The following IFT140 variants were observed in gnomAD, a reference collection of about 807,000 sequenced individuals.
IFT140 encodes the protein intraflagellar transport protein 140 homolog.
In IFT140, 133 loss-of-function variants were observed where a neutral mutation model predicts 164.6. The ratio of observed to expected loss-of-function variants is 0.81; its 90% confidence interval spans 0.70 to 0.93. IFT140 has a LOEUF of 0.93. IFT140 is among the 40% of genes least tolerant of loss of function. The pLI, the probability that IFT140 is intolerant of heterozygous loss-of-function variation, is 0.00. For synonymous variants in IFT140, 860 were observed against 817.3 expected (o/e 1.05, Z -0.89); for missense variants, 2,045 against 1,972.3 (o/e 1.04, Z -0.70).
rs535655598 is a variant in IFT140, at chr16:1,533,272, C to G, written c.2400-6476G>C. 1.3e-5 allele frequency: 2 copies of G among 152,058 alleles called. No homozygotes were observed. The highest frequency in any genetic ancestry group is 3.9e-4 in the East Asian group (2 of 5,176). The allele number at this position is 152,058 out of a possible 1,614,324, so 9.4% of individuals were successfully genotyped here. ...GAGGGCAGCATTCCCGTGGCGGGGG[C>G]AGGCCTGGAACACACGGGCGGGGGG... On this transcript the variant is annotated intron_variant, in intron 19 of 30. Coordinates refer to ENST00000426508, the MANE Select transcript of IFT140 (RefSeq NM_014714.4). This position sits in a 1 kb window ranked among gnomAD's most constrained non-coding sequence, Gnocchi z 4.7.
Position 1,572,768 on chromosome 16 carries a change from C to T in IFT140, c.1525-1234G>A, listed in dbSNP as rs117209441. ...AACCTTAATCCTCTGAGTTTCAAAG[C>T]GAAGCTCTTGGCTCAATTCAACCAA... On this transcript the variant is annotated intron_variant, in intron 13 of 30. Transcript: ENST00000426508. 4.1e-4 allele frequency among the ~76,000 whole-genome samples: 63 copies of T among 152,350 alleles called. 1 individual carries two copies. In the East Asian group the frequency reaches 6.7e-3, roughly 16 times the overall value.
At chr16:1,562,870 T>C (rs1297248083) in intron 17 of IFT140, among the ~76,000 whole-genome samples, 1 of 152,104 alleles carries the variant, frequency 6.6e-6, no homozygotes, top group Non-Finnish European at 1.5e-5. Flanking sequence ...AGAAACCACA[T>C]GCTCTGTGGG....
chr16:1,557,721 G>A lies in IFT140; in HGVS notation c.2399+214C>T, dbSNP rs948766578. ...CCACTAGGAAGCAGCTAAACAGCCC[G>A]AGAGGCTCCCAGCACCAGAGAGGCT... is the stretch of plus-strand genomic sequence containing the variant. On this transcript the variant is annotated intron_variant, in intron 19 of 30. Coordinates refer to ENST00000426508, the MANE Select transcript of IFT140 (RefSeq NM_014714.4). The A allele has an allele frequency of 8.6e-6, 5 of 578,894 alleles. No individual in the cohort carries two copies. The East Asian group carries it at 8.7e-5, about 10-fold the overall frequency. 35.9% of individuals were successfully genotyped at this position (578,894 alleles called of 1,614,324 possible).
At chr16:1,534,397 G>T (rs746977090) in intron 19 of IFT140, 4 of 1,612,576 alleles carry the variant, frequency 2.5e-6, no homozygotes, top group East Asian at 2.2e-5. Context: ...GGGCGCAGGC[G>T]CAGCGTGGGG....
Position 1,586,181 on chromosome 16 carries a change from C to G in IFT140, c.1104G>C (p.Arg368Ser). 1 of 1,614,090 alleles carries G rather than the reference C, an allele frequency of 6.2e-7. No individual in the cohort carries two copies. The change falls in exon 10 of 31, where the codon AGG (arginine) becomes AGC (serine). Residue 368 changes from arginine (R) to serine (S), a missense_variant. Coordinates refer to ENST00000426508, the MANE Select transcript of IFT140 (RefSeq NM_014714.4). ...LGSPGAEGKD[R>S]WALQTPTELQ... is the part of the protein sequence containing the mutation. ...GCTCGGTAGGGGTCTGAAGGGCCCA[C>G]CTGTCCTTGCCCTCTGCCCCGGGGC...
intron 17 of IFT140, 132 bp from the exon 18 acceptor site, chr16:1,562,248 C>A: frequency 1.4e-6 from 1 of 690,276 alleles, no homozygotes; most frequent in Non-Finnish European, 2.2e-6. Flanking sequence ...ATGGTGGGGT[C>A]GGGTGCTTTG....
intron 15 of IFT140, 38 bp from the exon 16 acceptor site, chr16:1,566,329 C>T (rs369685695): frequency 6.2e-7 from 1 of 1,607,274 alleles, no homozygotes; most frequent in Admixed American, 1.7e-5. Context: ...ACGGAGCCTG[C>T]CCAGACCAGC....
chr16:1,523,467 T>C, intron 26 of IFT140, 51 bp downstream of exon 26: 1 of 1,571,134 alleles, frequency 6.4e-7, no homozygotes, highest in Non-Finnish European at 8.6e-7. Context: ...ACAGGAGACC[T>C]GAGCCGTGGT....
At chr16:1,542,789 T>G (rs143162338) in intron 19 of IFT140, among the ~76,000 whole-genome samples, 1 of 152,008 alleles carries the variant, frequency 6.6e-6, no homozygotes, top group East Asian at 1.9e-4. Flanking sequence ...GCCATGTGAG[T>G]TGGGGAGGAG....
At chr16:1,541,973 C>T (rs528100414) in intron 19 of IFT140, 54 of 1,610,930 alleles carry the variant, frequency 3.4e-5, no homozygotes, top group East Asian at 4.5e-5. Flanking sequence ...CCGCGCTCAC[C>T]GCAGGCCAGC....
chr16:1,520,554 C>T, intron 27 of IFT140, 48 bp downstream of exon 27: 1 of 1,520,960 alleles, frequency 6.6e-7, no homozygotes, highest in Admixed American at 2.0e-5. Flanking sequence ...GGGCCCGCAG[C>T]CTAACTGCCT....
At chr16:1,512,167 G>A (rs1567314412) in intron 30 of IFT140, among the ~76,000 whole-genome samples, 1 of 114,404 alleles carries the variant, frequency 8.7e-6, no homozygotes, top group Non-Finnish European at 1.8e-5. Context: ...GGTGGTGGGG[G>A]GCAGGATGGG....
At chr16:1,605,854 G>A (rs192880147) in intron 3 of IFT140, among the ~76,000 whole-genome samples, 1 of 152,348 alleles carries the variant, frequency 6.6e-6, no homozygotes, top group Admixed American at 6.5e-5. Context: ...GTGACATGGC[G>A]TCCTTTGGAA....
At chr16:1,548,993 G>A (rs140668978) in intron 19 of IFT140, among the ~76,000 whole-genome samples, 87 of 152,326 alleles carry the variant, frequency 5.7e-4, no homozygotes, top group Non-Finnish European at 4.1e-4. Context: ...CTGGGCCACC[G>A]TCCTCCGCAG....
Position 1,520,300 on chromosome 16 carries a change from G to T in IFT140, c.3704C>A (p.Thr1235Lys). The change falls in exon 28 of 31, where the codon ACG becomes AAG. Residue 1235 changes from threonine to lysine, a missense_variant. Transcript: ENST00000426508. ...LLKSGDTEKI[T>K]FFASVSRQKE... Reference sequence around the variant, plus strand: ...CTGCCTGGACACGCTCGCGAAGAACGTGATTTTCTCCGTGTCTCCGGATTT... The same window carrying T: ...CTGCCTGGACACGCTCGCGAAGAACTTGATTTTCTCCGTGTCTCCGGATTT... 6.2e-7 allele frequency: 1 copy of T among 1,614,212 alleles called. No individual in the cohort carries two copies.
At chr16:1,548,301 T>C (rs1310947413) in intron 19 of IFT140, among the ~76,000 whole-genome samples, 1 of 152,198 alleles carries the variant, frequency 6.6e-6, no homozygotes, top group African/African-American at 2.4e-5. Flanking sequence ...CTGGGGTCTT[T>C]CCACTCTGCC....
rs1203363773 is a variant in IFT140, at chr16:1,587,203, A to T, written c.1004T>A (p.Val335Asp). ...GCCAGGCCAGGAAGCCTCACCTTTG[A>T]CTTTACAGTAACACACACAGTTCAT... ...ENMNCVCYCK[V>D]KGLLAAGTDR... is the part of the protein sequence containing the mutation. The change falls in exon 9 of 31, where the codon GTC becomes GAC. Residue 335 changes from valine to aspartate, a missense_variant. By Grantham distance (152) the Val-to-Asp change is radical (BLOSUM62 -3). Transcript: ENST00000426508. 1 of 1,602,620 alleles carries T rather than the reference A, an allele frequency of 6.2e-7. No homozygotes were observed. Among genetic ancestry groups the T allele is most frequent in the Non-Finnish European group, 8.5e-7 (1 of 1,169,798 alleles).
chr16:1,586,895 C>T (rs76842429), intron 9 of IFT140, among the ~76,000 whole-genome samples: 8,012 of 152,200 alleles, frequency 0.053, 437 homozygotes, highest in Admixed American at 0.17. Flanking sequence ...TTTGTGGAGA[C>T]GGGGTCTCAC....
intron 13 of IFT140, among the ~76,000 whole-genome samples, chr16:1,572,420 G>A (rs568731413): frequency 2.0e-5 from 3 of 152,350 alleles, no homozygotes; most frequent in African/African-American, 7.2e-5. Flanking sequence ...GCCAAGGCGC[G>A]TGGATCATGA....
Sources: gnomAD v4.1 joint callset for allele counts (sites outside exome capture counted in the v4.1 genomes callset) on GRCh38, gnomAD v4.1.1 for gene constraint, Gnocchi (gnomAD v3.1) non-coding constraint, MANE v1.5 for transcripts, NCBI Gene and HGNC (gene_info 2026-07-23, HGNC 2026-07-21) for gene names.